LIN28B: variants seen among roughly 807,000 people sequenced by gnomAD.
LIN28B encodes protein lin-28 homolog B.
In LIN28B, 5 loss-of-function variants were observed where a neutral mutation model predicts 21.9. The ratio of observed to expected loss-of-function variants is 0.23; its 90% CI spans 0.12 to 0.48. LIN28B has a LOEUF of 0.48. Among genes scored for constraint, LIN28B ranks in the 20% least tolerant of loss-of-function variants. The pLI is 0.98. For missense variants in LIN28B, 245 were observed against 310.5 expected (o/e 0.79, Z 1.58); for synonymous variants, 109 against 111.3 (o/e 0.98, Z 0.13).
upstream of LIN28B, among the ~76,000 whole-genome samples, chr6:104,952,595 C>T (rs765538575): frequency 1.3e-5 from 2 of 151,992 alleles, no homozygotes; most frequent in Non-Finnish European, 2.9e-5. Flanking sequence ...AAATAATGCT[C>T]CTTTTCTGAA....
intron 2 of LIN28B, among the ~76,000 whole-genome samples, chr6:105,009,321 A>G (rs1368284720): frequency 2.6e-5 from 4 of 152,212 alleles, no homozygotes; most frequent in Non-Finnish European, 5.9e-5. Context: ...TTAAAAATAT[A>G]AATTCAAATA....
chr6:105,069,415 G>T (rs1240659647), intron 3 of LIN28B, among the ~76,000 whole-genome samples: 3 of 152,002 alleles, frequency 2.0e-5, no homozygotes, highest in Non-Finnish European at 4.4e-5. Flanking sequence ...TTTAGGGAAA[G>T]TAGCTATTGA....
intron 2 of LIN28B, among the ~76,000 whole-genome samples, chr6:105,024,430 C>T (rs993852779): frequency 2.0e-5 from 3 of 152,068 alleles, no homozygotes; most frequent in African/African-American, 7.2e-5. Context: ...TAATCTGTAC[C>T]TTCTTGAGTG....
At chr6:104,979,335 G>A (rs1249371320) in intron 2 of LIN28B, among the ~76,000 whole-genome samples, 4 of 151,476 alleles carry the variant, frequency 2.6e-5, no homozygotes, top group Admixed American at 6.6e-5. Flanking sequence ...TCAGCCTCCC[G>A]AGTAGCTGAT....
At chr6:105,025,753 A>G (rs1771274701) in intron 2 of LIN28B, among the ~76,000 whole-genome samples, 1 of 152,136 alleles carries the variant, frequency 6.6e-6, no homozygotes, top group African/African-American at 2.4e-5. Context: ...AAAATAAATA[A>G]ACAAAATTAA....
At chr6:104,968,490 A>G (rs753529582) in intron 2 of LIN28B, among the ~76,000 whole-genome samples, 5 of 152,210 alleles carry the variant, frequency 3.3e-5, no homozygotes, top group Non-Finnish European at 7.4e-5. Context: ...AATCTTTGTC[A>G]TAACAGCCCA....
intron 1 of LIN28B, among the ~76,000 whole-genome samples, chr6:104,957,658 C>T (rs1328831378): frequency 6.6e-6 from 1 of 152,116 alleles, no homozygotes; most frequent in African/African-American, 2.4e-5. Context: ...AGTGCTGCCC[C>T]ATGTGCCTTA....
At chr6:104,955,182 T>G (rs989047980), upstream of LIN28B, among the ~76,000 whole-genome samples, 1 of 152,238 alleles carries the variant, frequency 6.6e-6, no homozygotes, top group Non-Finnish European at 1.5e-5. Flanking sequence ...ATTACTTTCT[T>G]GTCAGTGTAA....
intron 2 of LIN28B, among the ~76,000 whole-genome samples, chr6:104,941,700 G>A (rs1458837425): frequency 3.3e-5 from 5 of 152,180 alleles, no homozygotes. Context: ...TAAAATTAAG[G>A]ATTTTGAAAA....
intron 3 of LIN28B, among the ~76,000 whole-genome samples, chr6:105,046,360 A>G (rs1771762127): frequency 6.6e-6 from 1 of 152,092 alleles, no homozygotes; most frequent in Non-Finnish European, 1.5e-5. Context: ...CCTTTTTTAT[A>G]GCTGCATAGT....
chr6:105,019,916 GA>G (rs1771101584), intron 2 of LIN28B, among the ~76,000 whole-genome samples: 3 of 151,954 alleles, frequency 2.0e-5, no homozygotes, highest in South Asian at 2.1e-4. Flanking sequence ...GCCTCCTAGA[GA>G]AAAAAATACT....
chr6:105,048,703 C>T (rs572093616), intron 3 of LIN28B, among the ~76,000 whole-genome samples: 5 of 152,184 alleles, frequency 3.3e-5, no homozygotes, highest in East Asian at 1.9e-4. Context: ...ATCCTGTTAT[C>T]GGTCTATTCA....
chr6:104,996,750 A>G (rs1770614022), intron 2 of LIN28B, among the ~76,000 whole-genome samples: 1 of 151,808 alleles, frequency 6.6e-6, no homozygotes, highest in Admixed American at 6.6e-5. Context: ...TGTGGACAAA[A>G]CTCCCCCTTA....
chr6:104,991,762 G>A (rs1036665349), intron 2 of LIN28B, among the ~76,000 whole-genome samples: 1 of 152,222 alleles, frequency 6.6e-6, no homozygotes, highest in African/African-American at 2.4e-5. Context: ...TGCAATCCCG[G>A]CACCCCAGGA....
chr6:104,966,819 C>T (rs755788417), intron 2 of LIN28B, among the ~76,000 whole-genome samples: 1 of 152,148 alleles, frequency 6.6e-6, no homozygotes, highest in Non-Finnish European at 1.5e-5. Flanking sequence ...GATGGGGTTT[C>T]ACCGAGTTAG....
intron 3 of LIN28B, among the ~76,000 whole-genome samples, chr6:105,071,076 T>A (rs906914477): frequency 2.0e-5 from 3 of 152,110 alleles, no homozygotes; most frequent in Non-Finnish European, 4.4e-5. Flanking sequence ...GGAGTTTCAC[T>A]GTGTTGGCCT....
intron 2 of LIN28B, among the ~76,000 whole-genome samples, chr6:105,017,978 A>C (rs1197226873): frequency 6.6e-6 from 1 of 152,222 alleles, no homozygotes; most frequent in Non-Finnish European, 1.5e-5. Flanking sequence ...GATGTCAATC[A>C]AAAGTTTCCA....
At chr6:104,950,750 T>G (rs1778212068) in intron 3 of LIN28B, among the ~76,000 whole-genome samples, 1 of 150,674 alleles carries the variant, frequency 6.6e-6, no homozygotes, top group Admixed American at 6.6e-5. Context: ...ACCCCCACTT[T>G]TAGCAGTATT....
chr6:105,021,801 T>C (rs1196273376), intron 2 of LIN28B, among the ~76,000 whole-genome samples: 1 of 152,186 alleles, frequency 6.6e-6, no homozygotes, highest in Non-Finnish European at 1.5e-5. Flanking sequence ...TTTCTTTTGC[T>C]GTGAAGAAGG....
Sources: gnomAD v4.1 joint callset for allele counts (sites outside exome capture counted in the v4.1 genomes callset) on GRCh38, gnomAD v4.1.1 for gene constraint, MANE v1.5 for transcripts, NCBI Gene and HGNC (gene_info 2026-07-23, HGNC 2026-07-21) for gene names.